PSD4: variants seen among roughly 807,000 people sequenced by gnomAD.
The protein encoded by PSD4 is pleckstrin and Sec7 domain containing 4.
PSD4 carries 59 observed loss-of-function variants against 112.5 expected under a neutral mutation model. The ratio of observed to expected loss-of-function variants is 0.52; its 90% CI spans 0.43 to 0.65. The LOEUF (loss-of-function observed/expected upper bound fraction) is 0.65. PSD4 is among the 30% of genes least tolerant of loss of function. The probability of loss-of-function intolerance (pLI) is 0.00; values close to 1 mark genes in which losing one functional copy is unlikely to be tolerated. For synonymous variants in PSD4, 533 were observed against 540.0 expected (o/e 0.99, Z 0.18); for missense variants, 1,267 against 1,352.6 (o/e 0.94, Z 0.99).
Position 113,182,452 on chromosome 2 carries a change from A to C in PSD4, c.-5A>C, listed in dbSNP as rs1396749553. 3 of 1,597,740 alleles carry C rather than the reference A, an allele frequency of 1.9e-6. No homozygotes were observed. Among genetic ancestry groups the C allele is most frequent in the East Asian group, 2.2e-5 (1 of 44,582 alleles). ...GGGCACTCCTGGGCAGCTTTTGCTC[A>C]GTGGATGATGGGTGACTACAGACTC... On this transcript the variant is annotated 5_prime_UTR_variant, in exon 2 of 17. Coordinates refer to ENST00000245796, the MANE Select transcript of PSD4 (RefSeq NM_012455.3).
In PSD4 at chr2:113,193,579, A is replaced by T; in HGVS notation, c.2033-13A>T. 6.2e-7 allele frequency: 1 copy of T among 1,611,208 alleles called. No homozygotes were observed. ...CAATGAGCTTTCTCTCCACTTACCT[A>T]TCTCTGGGGTAGATTCTGTACACAC... is the stretch of plus-strand genomic sequence containing the variant. On this transcript the variant is annotated splice_polypyrimidine_tract_variant and intron_variant, in intron 8 of 16. Coordinates refer to ENST00000245796, the MANE Select transcript of PSD4 (RefSeq NM_012455.3).
At position 113,193,577 on chromosome 2, in the gene PSD4, C is replaced by T. The variant is rs201606282; in HGVS notation, c.2033-15C>T. The T allele has an allele frequency of 2.2e-4, 352 of 1,610,848 alleles. 3 individuals are homozygous for T. The highest frequency in any genetic ancestry group is 7.8e-4 in the Admixed American group (47 of 60,012). On this transcript the variant is annotated splice_polypyrimidine_tract_variant and intron_variant, in intron 8 of 16. Transcript: ENST00000245796. ...TCCAATGAGCTTTCTCTCCACTTAC[C>T]TATCTCTGGGGTAGATTCTGTACAC... is the stretch of plus-strand genomic sequence containing the variant.
chr2:113,201,482 G>C lies in PSD4; in HGVS notation c.*67G>C. The C allele has an allele frequency of 6.3e-7, 1 of 1,574,888 alleles. No individual in the cohort carries two copies. Among genetic ancestry groups the C allele is most frequent in the Admixed American group, 1.7e-5 (1 of 58,326 alleles). On this transcript the variant is annotated 3_prime_UTR_variant, in exon 17 of 17. Coordinates refer to ENST00000245796, the MANE Select transcript of PSD4 (RefSeq NM_012455.3). ...AGACCTGAGATGAACCTCCCTGGAG[G>C]AGACTTATTTCAATGAGTCCACCAT...
chr2:113,187,577 C>T (rs993164467), intron 5 of PSD4, among the ~76,000 whole-genome samples: 5 of 152,146 alleles, frequency 3.3e-5, no homozygotes, highest in Admixed American at 6.6e-5. Flanking sequence ...GACCCCCAGC[C>T]GACTCAGAAC....
rs945502895 is a variant in PSD4 at position 113,198,589 on chromosome 2, G to A, written c.2625-151G>A. On this transcript the variant is annotated intron_variant, in intron 14 of 16. Coordinates refer to ENST00000245796, the MANE Select transcript of PSD4 (RefSeq NM_012455.3). ...TTGATAAGAAATGCCACGGTCAGAG[G>A]TCGGGTGCCCGGCTAGTGGCAGGGC... is the stretch of plus-strand genomic sequence containing the variant. The A allele has an allele frequency of 1.5e-5, 14 of 918,934 alleles. No homozygotes were observed. In the Admixed American group the frequency reaches 2.6e-4, roughly 17 times the overall value. 56.9% of individuals were successfully genotyped at this position (918,934 alleles called of 1,614,324 possible).
chr2:113,196,312 G>C lies in PSD4; in HGVS notation c.2386+5G>C. ...AAGATGCAGACGGCAAGAAGAGTGA[G>C]TGTCTGCTGCCCACAAACAGGGTGG... On this transcript the variant is annotated splice_donor_5th_base_variant and intron_variant, in intron 12 of 16. Transcript: ENST00000245796. 6.2e-7 allele frequency: 1 copy of C among 1,610,316 alleles called. No homozygotes were observed. Among genetic ancestry groups the C allele is most frequent in the Non-Finnish European group, 8.5e-7 (1 of 1,177,288 alleles).
chr2:113,196,524 T>C, intron 12 of PSD4: 1 of 513,464 alleles, frequency 1.9e-6, no homozygotes, highest in African/African-American at 1.9e-5. Context: ...AAAACAGGCC[T>C]AGTTATTCCT....
intron 5 of PSD4, among the ~76,000 whole-genome samples, chr2:113,192,130 T>C (rs1201510447): frequency 6.6e-6 from 1 of 151,824 alleles, no homozygotes; most frequent in Non-Finnish European, 1.5e-5. Flanking sequence ...ACTCGGAACA[T>C]GGCTGTGCTT....
chr2:113,180,148 C>T (rs1688088616), intron 1 of PSD4, among the ~76,000 whole-genome samples: 1 of 152,162 alleles, frequency 6.6e-6, no homozygotes, highest in Non-Finnish European at 1.5e-5. Flanking sequence ...AACAGCTGGA[C>T]CCCCTGACCT....
Position 113,191,132 on chromosome 2 carries a change from G to A in PSD4, c.1629-1248G>A, listed in dbSNP as rs370555854. Among the ~76,000 whole-genome samples, 5 of 152,296 alleles carry A rather than the reference G, an allele frequency of 3.3e-5. No individual in the cohort carries two copies. The East Asian group carries it at 9.7e-4, about 29-fold the overall frequency. ...AAGGAAGATGGTTCTTTGGTTTCTG[G>A]CACTGATTGACATTCTGTCACCATC... is the stretch of plus-strand genomic sequence containing the variant. On this transcript the variant is annotated intron_variant, in intron 5 of 16. Transcript: ENST00000245796.
At position 113,198,801 on chromosome 2, in the gene PSD4, G is replaced by A; in HGVS notation, c.2686G>A (p.Ala896Thr). Residue 896 changes from alanine (A) to threonine (T), a missense_variant, in exon 15 of 17, where the codon GCG becomes ACG. This residue lies in a region of PSD4 where 544 missense variants were observed against 648.6 expected (regional missense o/e 0.84). Transcript: ENST00000245796. Reference protein sequence around the residue: ...RINLAAATHSAPPFPAAVGSQ... With the variant: ...RINLAAATHSTPPFPAAVGSQ... ...CAACTTGGCTGCGGCCACGCACTCC[G>A]CGCCGCCCTTCCCCGCCGCTGTGGG... 1 of 1,589,488 alleles carries A rather than the reference G, an allele frequency of 6.3e-7. No individual in the cohort carries two copies. The highest frequency in any genetic ancestry group is 8.5e-7 in the Non-Finnish European group (1 of 1,172,058).
rs768287081 is a variant in PSD4 at position 113,182,532 on chromosome 2, G to A, written c.76G>A (p.Glu26Lys). ...ILNLYLGDSLEPHPGECPRET... is the reference protein window; with the variant it reads ...ILNLYLGDSLKPHPGECPRET... ...CAACCTGTACTTGGGAGACAGCCTG[G>A]AGCCCCACCCAGGAGAGTGCCCAAG... The change falls in exon 2 of 17, where the codon GAG becomes AAG. Residue 26 changes from glutamate (E) to lysine (K), a missense_variant. Glu to Lys is a moderately conservative substitution (Grantham distance 56, BLOSUM62 1). Around this residue, in one of 2 missense-constraint regions of PSD4, gnomAD observed 723 missense variants for 704.0 expected, o/e 1.03. Transcript: ENST00000245796. The A allele has an allele frequency of 6.2e-7, 1 of 1,614,050 alleles. No individual in the cohort carries two copies. The highest frequency in any genetic ancestry group is 8.5e-7 in the Non-Finnish European group (1 of 1,180,034).
Position 113,183,635 on chromosome 2 carries a change from A to G in PSD4, c.1056+123A>G, listed in dbSNP as rs141758456. On this transcript the variant is annotated intron_variant, in intron 2 of 16. Coordinates refer to ENST00000245796, the MANE Select transcript of PSD4 (RefSeq NM_012455.3). ...GCTAAGAGCTTTGGGGATAACCTGC[A>G]TCAGTATATAGCAGGGTAATAGAGC... is the stretch of plus-strand genomic sequence containing the variant. 6.2e-4 allele frequency: 571 copies of G among 922,762 alleles called. 2 individuals are homozygous for G. The African/African-American group carries it at 8.8e-3, about 14-fold the overall frequency. The allele number at this position is 922,762 out of a possible 1,614,324, so 57.2% of individuals were successfully genotyped here. A position where few individuals can be genotyped will look rare whatever the true frequency, so the allele number is the denominator to read the frequency against.
chr2:113,186,892 G>T (rs1259024052), intron 5 of PSD4, among the ~76,000 whole-genome samples: 1 of 152,110 alleles, frequency 6.6e-6, no homozygotes, highest in Non-Finnish European at 1.5e-5. Context: ...TATGCCCCTG[G>T]GATCTCCACA....
chr2:113,182,173 A>G (rs1307941614), intron 1 of PSD4, among the ~76,000 whole-genome samples, 173 bp from the exon 2 acceptor site: 1 of 152,158 alleles, frequency 6.6e-6, no homozygotes, highest in Non-Finnish European at 1.5e-5. Flanking sequence ...AGATTGTGGG[A>G]TCAGATGGAA....
rs1688781693 is a variant in PSD4 at position 113,201,625 on chromosome 2, A to C, written c.*210A>C. On this transcript the variant is annotated 3_prime_UTR_variant, in exon 17 of 17. Coordinates refer to ENST00000245796, the MANE Select transcript of PSD4 (RefSeq NM_012455.3). ...CTGTGCTCCCCACCACCCCCATGGCAGTCCCTCCGCAGCCCCAGTCCCTGG... is the reference window on the plus strand; with the variant it reads ...CTGTGCTCCCCACCACCCCCATGGCCGTCCCTCCGCAGCCCCAGTCCCTGG... The C allele has an allele frequency of 4.4e-6, 3 of 688,442 alleles. No individual in the cohort carries two copies. The Admixed American group carries it at 9.1e-5, about 21-fold the overall frequency. 42.6% of individuals were successfully genotyped at this position (688,442 alleles called of 1,614,324 possible). A position where few individuals can be genotyped will look rare whatever the true frequency, so the allele number is the denominator to read the frequency against.
rs947601393 is a variant in PSD4 at position 113,182,973 on chromosome 2, G to A, written c.517G>A (p.Glu173Lys). 5 of 1,614,104 alleles carry A rather than the reference G, an allele frequency of 3.1e-6. No individual in the cohort carries two copies. The highest frequency in any genetic ancestry group is 1.6e-4 in the Middle Eastern group (1 of 6,084). ...GATGTGTGTCCTAGACCTGGAGGAG[G>A]AGCTGGAGAAGACGGAAGGGCTCAA... ...AQMCVLDLEE[E>K]LEKTEGLKAG... The change falls in exon 2 of 17, where the codon GAG becomes AAG. Residue 173 changes from glutamate (E) to lysine (K), a missense_variant. Transcript: ENST00000245796.
Position 113,196,830 on chromosome 2 carries a change from G to A in PSD4, c.2386+523G>A, listed in dbSNP as rs45595343. On this transcript the variant is annotated intron_variant, in intron 12 of 16. Transcript: ENST00000245796. ...GCTCAGAACATGGGGTGTGTGAAAG[G>A]GAGGTACACTTGAGGCAAAATTGCC... Among the ~76,000 whole-genome samples, 340 of 152,282 alleles carry A rather than the reference G, an allele frequency of 2.2e-3. 5 individuals are homozygous for A. The highest frequency in any genetic ancestry group is 7.7e-3 in the African/African-American group (318 of 41,548).
rs2081100846 is a variant in PSD4, at chr2:113,182,800, A to C, written c.344A>C (p.His115Pro). The C allele has an allele frequency of 6.2e-7, 1 of 1,605,670 alleles. No homozygotes were observed. Among genetic ancestry groups the C allele is most frequent in the East Asian group, 2.2e-5 (1 of 44,744 alleles). Residue 115 changes from histidine (H) to proline (P), a missense_variant, in exon 2 of 17, where the codon CAC becomes CCC. His to Pro is a moderately conservative substitution (Grantham distance 77, BLOSUM62 -2). Around this residue, in one of 2 missense-constraint regions of PSD4, gnomAD observed 723 missense variants for 704.0 expected, o/e 1.03. Transcript: ENST00000245796. ...TGGGGCTCCGGTGTGGAGCTCACAC[A>C]CCTGGGGAGCCCCTCTGCCCAGAGG... Reference protein sequence around the residue: ...PPWGSGVELTHLGSPSAQREH... With the variant: ...PPWGSGVELTPLGSPSAQREH...
Sources: allele counts gnomAD v4.1 joint callset (sites outside exome capture counted in the v4.1 genomes callset), GRCh38; gene constraint gnomAD v4.1.1; regional missense constraint gnomAD v4.1.1; transcripts MANE v1.5; gene names NCBI Gene and HGNC (gene_info 2026-07-23, HGNC 2026-07-21).